BCORL1: variants seen among roughly 807,000 people sequenced by gnomAD.
BCORL1 encodes the protein BCL-6 corepressor-like protein 1.
BCORL1 carries 7 observed loss-of-function variants against 87.6 expected under a neutral mutation model. That is an observed-to-expected ratio of 0.08 (90% CI 0.05 to 0.15). The LOEUF (loss-of-function observed/expected upper bound fraction) is 0.15. Ranked by LOEUF, BCORL1 falls within the 10% of genes least tolerant of loss-of-function variation. The pLI is 1.00. For missense variants in BCORL1, 1,215 were observed against 1,499.7 expected (o/e 0.81, Z 3.13); for synonymous variants, 591 against 634.4 (o/e 0.93, Z 1.03).
At chrX:129,999,555 G>C (rs1927859212) in intron 1 of BCORL1, among the ~76,000 whole-genome samples, 1 of 109,759 alleles carries the variant, frequency 9.1e-6, no homozygotes, top group African/African-American at 3.3e-5. Flanking sequence ...TGATCCACCT[G>C]CCTTGGCCTC....
At chrX:130,042,334 A>T (rs1157597137) in intron 11 of BCORL1, among the ~76,000 whole-genome samples, 2 of 111,647 alleles carry the variant, frequency 1.8e-5, no homozygotes, top group African/African-American at 6.5e-5. Context: ...GGCTCAAGCT[A>T]TCTTCCCGCC....
chrX:130,046,270 G>A (rs945779332), intron 11 of BCORL1, among the ~76,000 whole-genome samples: 1 of 111,437 alleles, frequency 9.0e-6, no homozygotes, highest in African/African-American at 3.3e-5. Context: ...CTGGGTGACA[G>A]AGCAAGACCC....
chrX:130,037,398 G>A lies in BCORL1; in HGVS notation c.4559G>A (p.Ser1520Asn). Residue 1520 changes from serine (S) to asparagine (N), a missense_variant, in exon 10 of 14, where the codon AGT becomes AAT. Ser to Asn is a conservative substitution (Grantham distance 46, BLOSUM62 1). Transcript: ENST00000540052. ...DVVLYCLQKD[S>N]EDVNHRDNAG... ...GTTCTCTACTGCCTCCAGAAAGACAGTGAAGATGTGAATCACCGTGACAAT... is the reference window on the plus strand; with the variant it reads ...GTTCTCTACTGCCTCCAGAAAGACAATGAAGATGTGAATCACCGTGACAAT... 8.3e-7 allele frequency: 1 copy of A among 1,211,746 alleles called. No homozygotes were observed. Among genetic ancestry groups the A allele is most frequent in the Non-Finnish European group, 1.1e-6 (1 of 895,396 alleles).
chrX:130,012,486 G>A, intron 2 of BCORL1, 92 bp from the exon 3 acceptor site: 1 of 723,701 alleles, frequency 1.4e-6, no homozygotes, highest in East Asian at 3.2e-5. Flanking sequence ...GTTTTATGGG[G>A]ACCCAGGCAG....
At chrX:129,984,650 G>A (rs1469840206) in intron 1 of BCORL1, among the ~76,000 whole-genome samples, 2 of 110,466 alleles carry the variant, frequency 1.8e-5, no homozygotes, top group Non-Finnish European at 3.8e-5. Context: ...GGAGCCGGCC[G>A]CACCTCGGCT....
chrX:130,046,792 C>T (rs1331958734), intron 11 of BCORL1, among the ~76,000 whole-genome samples: 8 of 110,728 alleles, frequency 7.2e-5, no homozygotes, highest in Non-Finnish European at 3.8e-5. Flanking sequence ...GTGATCCGCC[C>T]GCCTCGGCCT....
rs1180587705 is a variant in BCORL1, at chrX:130,014,250, T to C, written c.1478T>C (p.Val493Ala). The C allele has an allele frequency of 6.6e-6, 8 of 1,208,468 alleles. No individual in the cohort carries two copies. The highest frequency in any genetic ancestry group is 8.9e-6 in the Non-Finnish European group (8 of 894,870). ...CTGCAGGACAGGTGTCTCCCAGGCGTGCTAGCCTCCCCCGAGCTCCGTTCT... is the reference window on the plus strand; with the variant it reads ...CTGCAGGACAGGTGTCTCCCAGGCGCGCTAGCCTCCCCCGAGCTCCGTTCT... ...SYLQDRCLPG[V>A]LASPELRSYP... Residue 493 changes from valine to alanine, a missense_variant, in exon 4 of 14, where the codon GTG (valine) becomes GCG (alanine). Around this residue, in one of 5 missense-constraint regions of BCORL1, gnomAD observed 861 missense variants for 1,010.0 expected, o/e 0.85. Transcript: ENST00000540052.
intron 10 of BCORL1, 64 bp downstream of exon 10, chrX:130,037,597 A>C (rs1931035085): frequency 1.9e-5 from 21 of 1,119,014 alleles, no homozygotes; most frequent in Admixed American, 1.4e-4. Flanking sequence ...CACTCAAAAG[A>C]CCTTGCCTGC....
chrX:130,037,270 A>C (rs1931010554), intron 9 of BCORL1, 97 bp from the exon 10 acceptor site: 1 of 908,618 alleles, frequency 1.1e-6, no homozygotes, highest in Admixed American at 2.3e-5. Flanking sequence ...GCAGGCTCTG[A>C]GACTCCTCAG....
chrX:130,025,913 C>T (rs774396911), intron 7 of BCORL1, among the ~76,000 whole-genome samples: 11 of 111,265 alleles, frequency 9.9e-5, no homozygotes, highest in Non-Finnish European at 2.1e-4. Context: ...TATTCAGAGG[C>T]GGAGTGAAGC....
chrX:130,004,748 C>T (rs997442939), intron 1 of BCORL1, among the ~76,000 whole-genome samples: 2 of 111,986 alleles, frequency 1.8e-5, no homozygotes, highest in Non-Finnish European at 3.8e-5. Flanking sequence ...AAATTGGCTA[C>T]GTCACTCAAA....
At position 130,014,372 on chromosome X, in the gene BCORL1, A is replaced by G. The variant is rs1929238127; in HGVS notation, c.1600A>G (p.Ser534Gly). 1 of 1,209,054 alleles carries G rather than the reference A, an allele frequency of 8.3e-7. No individual in the cohort carries two copies. The highest frequency in any genetic ancestry group is 1.1e-6 in the Non-Finnish European group (1 of 894,942). ...NRLPCTSPSG[S>G]TTTQPAPDGV... ...GCTCCCCTGCACTTCCCCATCCGGT[A>G]GCACCACCACCCAGCCTGCACCCGA... is the stretch of plus-strand genomic sequence containing the variant. The change falls in exon 4 of 14, where the codon AGC becomes GGC. Residue 534 changes from serine to glycine, a missense_variant. Transcript: ENST00000540052.
Position 130,014,396 on chromosome X carries a change from G to A in BCORL1, c.1624G>A (p.Asp542Asn), listed in dbSNP as rs1420562958. ...SGSTTTQPAP[D>N]GVPGPLADTS... ...TAGCACCACCACCCAGCCTGCACCC[G>A]ATGGGGTCCCTGGGCCTTTGGCAGA... The change falls in exon 4 of 14, where the codon GAT becomes AAT. Residue 542 changes from aspartate to asparagine, a missense_variant. Physicochemically the swap from Asp to Asn is conservative, Grantham distance 23. Coordinates refer to ENST00000540052, the MANE Select transcript of BCORL1 (RefSeq NM_001379451.1). 3.3e-6 allele frequency: 4 copies of A among 1,211,527 alleles called. No homozygotes were observed. Among genetic ancestry groups the A allele is most frequent in the African/African-American group, 3.5e-5 (2 of 57,694 alleles).
At chrX:130,036,894 C>G (rs1930981229) in intron 9 of BCORL1, among the ~76,000 whole-genome samples, 2 of 112,184 alleles carry the variant, frequency 1.8e-5, no homozygotes. Flanking sequence ...GCCTGTAACC[C>G]TAACACTTTG....
At position 130,054,804 on chromosome X, in the gene BCORL1, A is replaced by G. The variant is rs990639807; in HGVS notation, c.5076-1050A>G. On this transcript the variant is annotated intron_variant, in intron 13 of 13. Coordinates refer to ENST00000540052, the MANE Select transcript of BCORL1 (RefSeq NM_001379451.1). ...TGGGTGCCTGTAATCCCAGCTACTC[A>G]GGAGGCTGAGACAGGAGAATTGCTT... Among the ~76,000 whole-genome samples the G allele has an allele frequency of 5.4e-5, 6 of 111,079 alleles. No homozygotes were observed. In the South Asian group the frequency reaches 1.5e-3, roughly 28 times the overall value.
Position 130,005,286 on chromosome X carries a change from C to T in BCORL1, c.55C>T (p.Arg19Trp), listed in dbSNP as rs1403214128. 8 of 1,210,157 alleles carry T rather than the reference C, an allele frequency of 6.6e-6. No individual in the cohort carries two copies. Among genetic ancestry groups the T allele is most frequent in the South Asian group, 3.5e-5 (2 of 56,837 alleles). Reference protein sequence around the residue: ...SGVHNWTSSDRIRMCGINEER... With the variant: ...SGVHNWTSSDWIRMCGINEER... Reference sequence around the variant, plus strand: ...CGTGCACAACTGGACCAGTTCTGACCGGATTCGCATGTGTGGCATCAACGA... The same window carrying T: ...CGTGCACAACTGGACCAGTTCTGACTGGATTCGCATGTGTGGCATCAACGA... The change falls in exon 2 of 14, where the codon CGG becomes TGG. Residue 19 changes from arginine to tryptophan, a missense_variant. Arg to Trp is a moderately radical substitution (Grantham distance 101, BLOSUM62 -3). Around this residue, in one of 5 missense-constraint regions of BCORL1, gnomAD observed 861 missense variants for 1,010.0 expected, o/e 0.85. Transcript: ENST00000540052.
At chrX:129,991,561 T>C (rs1927158230) in intron 1 of BCORL1, among the ~76,000 whole-genome samples, 1 of 109,003 alleles carries the variant, frequency 9.2e-6, no homozygotes, top group Non-Finnish European at 1.9e-5. Flanking sequence ...AGGCTGTTCT[T>C]AAACTCCTGA....
Position 130,014,405 on chromosome X carries a change from C to G in BCORL1, c.1633C>G (p.Pro545Ala), listed in dbSNP as rs767375883. 65 of 1,209,590 alleles carry G rather than the reference C, an allele frequency of 5.4e-5. No homozygotes were observed. The South Asian group carries it at 1.1e-3, about 21-fold the overall frequency. ...TTTQPAPDGV[P>A]GPLADTSLVT... is the part of the protein sequence containing the mutation. The stretch of plus-strand genomic sequence containing the variant: ...CACCCAGCCTGCACCCGATGGGGTC[C>G]CTGGGCCTTTGGCAGATACCTCCCT... The change falls in exon 4 of 14, where the codon CCT becomes GCT. Residue 545 changes from proline (P) to alanine (A), a missense_variant. Around this residue, in one of 5 missense-constraint regions of BCORL1, gnomAD observed 861 missense variants for 1,010.0 expected, o/e 0.85. Transcript: ENST00000540052.
chrX:130,028,209 TC>T (rs1930361294), intron 7 of BCORL1, among the ~76,000 whole-genome samples: 1 of 111,379 alleles, frequency 9.0e-6, no homozygotes, highest in Admixed American at 9.6e-5. Flanking sequence ...TCCTCCCTGT[TC>T]CCCATGTACT....
Sources: allele counts gnomAD v4.1 joint callset (sites outside exome capture counted in the v4.1 genomes callset), GRCh38; gene constraint gnomAD v4.1.1; regional missense constraint gnomAD v4.1.1; transcripts MANE v1.5; gene names NCBI Gene and HGNC (gene_info 2026-07-23, HGNC 2026-07-21).